BRD10: variants seen among roughly 807,000 people sequenced by gnomAD.
The protein encoded by BRD10 is uncharacterized bromodomain-containing protein 10.
At chr9:5,961,218 G>C in the BRD10 span, among the ~76,000 whole-genome samples, 1 of 152,122 alleles carries the variant, frequency 6.6e-6, no homozygotes, top group South Asian at 2.1e-4. Context: ...AGAAGTAAAC[G>C]CAACTATAAT....
the BRD10 span, among the ~76,000 whole-genome samples, chr9:5,918,620 T>A: frequency 2.7e-5 from 4 of 149,142 alleles, no homozygotes; most frequent in African/African-American, 9.9e-5. Flanking sequence ...AGAAAGTAAT[T>A]GTGGTTTTTT....
the BRD10 span, among the ~76,000 whole-genome samples, chr9:5,999,375 A>G: frequency 6.6e-6 from 1 of 152,130 alleles, no homozygotes; most frequent in African/African-American, 2.4e-5. Context: ...ATACATTTAT[A>G]TATATATAAT....
chr9:5,897,602 G>A, the BRD10 span: 3 of 1,614,136 alleles, frequency 1.9e-6, no homozygotes, highest in Admixed American at 3.3e-5. Flanking sequence ...GAGTCTTACT[G>A]CTCATCGGCT....
At chr9:5,930,877 T>C in the BRD10 span, among the ~76,000 whole-genome samples, 38 of 152,152 alleles carry the variant, frequency 2.5e-4, no homozygotes, top group Non-Finnish European at 4.6e-4. Flanking sequence ...CATTATAAAA[T>C]TGAACAGGAA....
chr9:5,955,991 A>G, the BRD10 span, among the ~76,000 whole-genome samples: 1 of 152,048 alleles, frequency 6.6e-6, no homozygotes, highest in Non-Finnish European at 1.5e-5. Flanking sequence ...TGCCTTTACC[A>G]TTTTTTAAAG....
the BRD10 span, among the ~76,000 whole-genome samples, chr9:5,926,473 A>G: frequency 6.6e-6 from 1 of 152,062 alleles, no homozygotes; most frequent in African/African-American, 2.4e-5. Context: ...ATACCTGGCT[A>G]ATGTTTGTAT....
chr9:5,923,631 C>A, the BRD10 span, among the ~76,000 whole-genome samples: 3 of 152,160 alleles, frequency 2.0e-5, no homozygotes, highest in Non-Finnish European at 4.4e-5. Context: ...CCCAAATAAA[C>A]AATCAGGGCT....
chr9:5,969,206 G>A, the BRD10 span: 2 of 1,613,574 alleles, frequency 1.2e-6, no homozygotes, highest in Non-Finnish European at 1.7e-6. Flanking sequence ...CATTATTTTC[G>A]ATAGAAAAGC....
At chr9:5,984,990 G>A in the BRD10 span, among the ~76,000 whole-genome samples, 2,299 of 151,318 alleles carry the variant, frequency 0.015, 32 homozygotes, top group Non-Finnish European at 0.022. Flanking sequence ...AAAGTTGGAA[G>A]ACATGCTATT....
At chr9:5,896,350 G>C in the BRD10 span, among the ~76,000 whole-genome samples, 1 of 152,314 alleles carries the variant, frequency 6.6e-6, no homozygotes, top group East Asian at 1.9e-4. Context: ...ATCTTCATAG[G>C]TCTCAGCTTC....
At chr9:5,988,193 C>T in the BRD10 span, among the ~76,000 whole-genome samples, 1 of 152,054 alleles carries the variant, frequency 6.6e-6, no homozygotes, top group African/African-American at 2.4e-5. Flanking sequence ...TTTAAAATTA[C>T]ATTTTAAACA....
chr9:5,965,051 T>A, the BRD10 span, among the ~76,000 whole-genome samples: 4 of 74,258 alleles, frequency 5.4e-5, no homozygotes, highest in Non-Finnish European at 8.2e-5. Context: ...AAACTTAAAG[T>A]ATAATAAAAA....
At chr9:5,912,037 T>C in the BRD10 span, among the ~76,000 whole-genome samples, 1 of 152,232 alleles carries the variant, frequency 6.6e-6, no homozygotes. Context: ...AATATCTTTC[T>C]GTTTTTCTGT....
chr9:5,975,400 C>T, the BRD10 span, among the ~76,000 whole-genome samples: 1 of 122,818 alleles, frequency 8.1e-6, no homozygotes, highest in South Asian at 2.5e-4. Context: ...GATCGCACCA[C>T]TGCACTCCAG....
At chr9:5,972,807 A>G in the BRD10 span, among the ~76,000 whole-genome samples, 2 of 152,172 alleles carry the variant, frequency 1.3e-5, no homozygotes. Context: ...CTTCACAGCA[A>G]TGCAAAATGG....
chr9:5,939,143 CAAT>C, the BRD10 span, among the ~76,000 whole-genome samples: 2 of 151,950 alleles, frequency 1.3e-5, no homozygotes, highest in African/African-American at 4.8e-5. Context: ...GATTAATGCA[CAAT>C]AATTTCTTTG....
the BRD10 span, among the ~76,000 whole-genome samples, chr9:5,954,809 G>A: frequency 6.6e-6 from 1 of 152,136 alleles, no homozygotes; most frequent in African/African-American, 2.4e-5. Flanking sequence ...TCTATTTTTA[G>A]ACCAGGCGCG....
At chr9:5,935,715 G>A in the BRD10 span, among the ~76,000 whole-genome samples, 1 of 152,180 alleles carries the variant, frequency 6.6e-6, no homozygotes, top group African/African-American at 2.4e-5. Flanking sequence ...AAAGTTCCAA[G>A]TAAGTGAAAT....
the BRD10 span, among the ~76,000 whole-genome samples, chr9:5,982,417 T>C: frequency 6.6e-6 from 1 of 152,156 alleles, no homozygotes; most frequent in African/African-American, 2.4e-5. Context: ...ATCCACAATG[T>C]GGCAGTATTG....
Sources: gnomAD v4.1 joint callset for allele counts (sites outside exome capture counted in the v4.1 genomes callset) on GRCh38, gnomAD v4.1.1 for gene constraint, MANE v1.5 for transcripts, NCBI Gene and HGNC (gene_info 2026-07-23, HGNC 2026-07-21) for gene names.